The following MCOLN2 variants were observed in gnomAD, a reference collection of about 807,000 sequenced individuals.
MCOLN2 encodes the protein mucolipin TRP cation channel 2.
A neutral mutation model predicts 67.5 loss-of-function variants in MCOLN2; 57 were observed. The observed-to-expected ratio is 0.84, with a 90% confidence interval of 0.68 to 1.05. The LOEUF (loss-of-function observed/expected upper bound fraction) is 1.05, where lower values mean the gene tolerates loss of function less well. Ranked by LOEUF, MCOLN2 falls within the 50% of genes least tolerant of loss-of-function variation. MCOLN2 has a pLI of 0.00. For synonymous variants in MCOLN2, 246 were observed against 233.3 expected (o/e 1.05, Z -0.50); for missense variants, 620 against 678.8 (o/e 0.91, Z 0.96).
chr1:84,947,314 A>ACC (rs1191773612), intron 6 of MCOLN2, among the ~76,000 whole-genome samples, 182 bp from the exon 7 acceptor site: 1 of 151,890 alleles, frequency 6.6e-6, no homozygotes, highest in Non-Finnish European at 1.5e-5. Flanking sequence ...CACCACACAC[A>ACC]CACACACACA....
chr1:84,987,547 T>TAG (rs1557665865), intron 1 of MCOLN2, among the ~76,000 whole-genome samples: 8 of 94,422 alleles, frequency 8.5e-5, no homozygotes, highest in African/African-American at 3.1e-4. Context: ...TATACATAGA[T>TAG]GTATACATCT....
chr1:84,929,737 T>C, intron 12 of MCOLN2, 58 bp from the exon 13 acceptor site: 1 of 1,562,808 alleles, frequency 6.4e-7, no homozygotes, highest in South Asian at 1.2e-5. Flanking sequence ...ATTGCTCTTT[T>C]GTCAACAAAC....
At chr1:84,986,399 G>T (rs1032098612) in intron 1 of MCOLN2, among the ~76,000 whole-genome samples, 2 of 152,018 alleles carry the variant, frequency 1.3e-5, no homozygotes, top group East Asian at 3.9e-4. Context: ...AATTAGCCAG[G>T]CATGGTGGTG....
In MCOLN2 at chr1:84,996,983, G is replaced by T; in HGVS notation, c.-111C>A. The T allele has an allele frequency of 1.1e-6, 1 of 914,630 alleles. No individual in the cohort carries two copies. The highest frequency in any genetic ancestry group is 1.7e-6 in the Non-Finnish European group (1 of 577,786). 56.7% of individuals were successfully genotyped at this position (914,630 alleles called of 1,614,324 possible). On this transcript the variant is annotated 5_prime_UTR_variant, in exon 1 of 14. Transcript: ENST00000370608. ...ACGCGTCCGCCGAAGTTGGAGCCCTGCAAAGCGGGGTTCCCTTCTCTTACC... is the reference window on the plus strand; with the variant it reads ...ACGCGTCCGCCGAAGTTGGAGCCCTTCAAAGCGGGGTTCCCTTCTCTTACC...
intron 5 of MCOLN2, 34 bp downstream of exon 5, chr1:84,952,412 T>A: frequency 6.4e-7 from 1 of 1,563,724 alleles, no homozygotes; most frequent in Middle Eastern, 1.7e-4. Flanking sequence ...CCCACCCTCA[T>A]CTCTTAGGGA....
chr1:84,943,207 A>C (rs1257792908), intron 7 of MCOLN2, among the ~76,000 whole-genome samples: 1 of 152,154 alleles, frequency 6.6e-6, no homozygotes, highest in African/African-American at 2.4e-5. Flanking sequence ...CAGAATCGTA[A>C]GAGATGGAGA....
chr1:84,951,543 T>G (rs932662529), intron 6 of MCOLN2, among the ~76,000 whole-genome samples: 2 of 152,254 alleles, frequency 1.3e-5, no homozygotes, highest in African/African-American at 4.8e-5. Context: ...TGGAGCAGTT[T>G]ATGCCTCGAG....
chr1:84,993,681 A>G (rs1429662026), intron 1 of MCOLN2, among the ~76,000 whole-genome samples: 4 of 136,596 alleles, frequency 2.9e-5, no homozygotes, highest in Non-Finnish European at 6.1e-5. Context: ...CGGACTGCGG[A>G]CTGCAGTGGC....
At chr1:84,987,452 A>G (rs1216409776) in intron 1 of MCOLN2, among the ~76,000 whole-genome samples, 3 of 119,420 alleles carry the variant, frequency 2.5e-5, no homozygotes, top group South Asian at 2.6e-4. Flanking sequence ...ATATACATAT[A>G]TACATATATG....
At chr1:84,956,317 C>G (rs1259939899) in intron 4 of MCOLN2, 114 bp downstream of exon 4, 2 of 972,726 alleles carry the variant, frequency 2.1e-6, no homozygotes, top group African/African-American at 3.3e-5. Flanking sequence ...CAGCCCCTAA[C>G]AGGTTAGCTC....
intron 9 of MCOLN2, among the ~76,000 whole-genome samples, chr1:84,938,567 C>T (rs1454144794): frequency 1.3e-5 from 2 of 152,204 alleles, no homozygotes; most frequent in African/African-American, 4.8e-5. Context: ...TCATATAATA[C>T]GCTAAATGCA....
chr1:84,935,718 A>C (rs1647389717), intron 11 of MCOLN2, among the ~76,000 whole-genome samples: 1 of 152,186 alleles, frequency 6.6e-6, no homozygotes, highest in South Asian at 2.1e-4. Context: ...AAGGCTCTCA[A>C]TTGTAGCCCA....
chr1:84,973,355 A>G (rs1459778419), intron 1 of MCOLN2, among the ~76,000 whole-genome samples: 1 of 152,120 alleles, frequency 6.6e-6, no homozygotes, highest in Non-Finnish European at 1.5e-5. Context: ...GTGGATGCCT[A>G]TAGTCCCAGC....
chr1:84,978,940 G>T (rs1194844268), intron 1 of MCOLN2, among the ~76,000 whole-genome samples: 1 of 152,136 alleles, frequency 6.6e-6, no homozygotes, highest in Non-Finnish European at 1.5e-5. Context: ...TTCTAAAACT[G>T]AAGAACTTGG....
intron 11 of MCOLN2, among the ~76,000 whole-genome samples, chr1:84,937,137 C>G (rs1266360467): frequency 3.3e-5 from 5 of 152,180 alleles, no homozygotes; most frequent in Non-Finnish European, 2.9e-5. Flanking sequence ...ATGCATCTAC[C>G]AATCAAATGT....
At chr1:84,968,615 T>C (rs1375755923) in intron 1 of MCOLN2, among the ~76,000 whole-genome samples, 1 of 152,242 alleles carries the variant, frequency 6.6e-6, no homozygotes, top group Non-Finnish European at 1.5e-5. Context: ...CCGCAGCTCC[T>C]AGCTCATAAC....
rs180830098 is a variant in MCOLN2 at position 84,937,971 on chromosome 1, G to T, written c.1212+10C>A. The T allele has an allele frequency of 6.2e-6, 10 of 1,608,754 alleles. No individual in the cohort carries two copies. The highest frequency in any genetic ancestry group is 2.2e-5 in the East Asian group (1 of 44,868). ...AACTGCAGTGGCACTACCCGGTGCCGCATCCTTACATTATATGCCTGGAAA... is the reference window on the plus strand; with the variant it reads ...AACTGCAGTGGCACTACCCGGTGCCTCATCCTTACATTATATGCCTGGAAA... On this transcript the variant is annotated intron_variant, in intron 10 of 13. Coordinates refer to ENST00000370608, the MANE Select transcript of MCOLN2 (RefSeq NM_153259.4).
intron 11 of MCOLN2, 177 bp downstream of exon 11, chr1:84,937,578 T>C: frequency 7.2e-7 from 1 of 1,384,842 alleles, no homozygotes; most frequent in Non-Finnish European, 9.4e-7. Context: ...CAATATCCTG[T>C]AGTCACTTCT....
At chr1:84,936,522 G>T (rs1647440097) in intron 11 of MCOLN2, among the ~76,000 whole-genome samples, 1 of 152,160 alleles carries the variant, frequency 6.6e-6, no homozygotes, top group Admixed American at 6.5e-5. Context: ...TCATATCAAA[G>T]AATAATTTTT....
Sources: allele counts gnomAD v4.1 joint callset (sites outside exome capture counted in the v4.1 genomes callset), GRCh38; gene constraint gnomAD v4.1.1; transcripts MANE v1.5; gene names NCBI Gene and HGNC (gene_info 2026-07-23, HGNC 2026-07-21).